The following CACNA1C variants were observed in gnomAD, a reference collection of about 807,000 sequenced individuals.
CACNA1C encodes the protein voltage-dependent L-type calcium channel subunit alpha-1C.
CACNA1C carries 30 observed loss-of-function variants against 229.0 expected under a neutral mutation model. The observed-to-expected ratio is 0.13, with a 90% confidence interval of 0.10 to 0.18. The LOEUF (loss-of-function observed/expected upper bound fraction) is 0.18, where lower values mean the gene tolerates loss of function less well. CACNA1C is among the 10% of genes least tolerant of loss of function. CACNA1C has a pLI of 1.00. For synonymous variants in CACNA1C, 1,114 were observed against 1,132.5 expected (o/e 0.98, Z 0.33); for missense variants, 1,658 against 2,845.0 (o/e 0.58, Z 9.49).
rs1274708006 is a variant in CACNA1C at position 2,479,078 on chromosome 12, A to G, written c.758-7026A>G. ...TGTGGGAGAAGCTGGTGTTTGATCT[A>G]CATTTTCTTAGAATCTGCATCGCAA... On this transcript the variant is annotated intron_variant, in intron 5 of 46. Coordinates refer to ENST00000399655, the MANE Select transcript of CACNA1C (RefSeq NM_000719.7). The surrounding 1 kb of genome is among the most constrained non-coding windows in gnomAD (Gnocchi z 4.3). Among the ~76,000 whole-genome samples the G allele has an allele frequency of 6.6e-6, 1 of 152,026 alleles. No homozygotes were observed. The highest frequency in any genetic ancestry group is 6.6e-5 in the Admixed American group (1 of 15,262).
At chr12:2,196,644 G>A (rs1045048343) in intron 3 of CACNA1C, among the ~76,000 whole-genome samples, 1 of 152,244 alleles carries the variant, frequency 6.6e-6, no homozygotes, top group Non-Finnish European at 1.5e-5. Flanking sequence ...TGCAGTTGCA[G>A]ACTCCCTGAA....
chr12:2,578,025 C>A (rs1440723448), intron 13 of CACNA1C, among the ~76,000 whole-genome samples: 1 of 151,358 alleles, frequency 6.6e-6, no homozygotes, highest in Non-Finnish European at 1.5e-5. Context: ...CCCGCTACCA[C>A]ACCCGGCTAA....
intron 3 of CACNA1C, among the ~76,000 whole-genome samples, chr12:2,294,062 A>G (rs954069423): frequency 6.6e-6 from 1 of 152,246 alleles, no homozygotes; most frequent in African/African-American, 2.4e-5. Flanking sequence ...ACGAGACACA[A>G]CCCTGACCAG....
At position 2,646,818 on chromosome 12, in the gene CACNA1C, CTA is replaced by C. The variant is rs1267753665; in HGVS notation, c.3913-1655_3913-1654del. On this transcript the variant is annotated intron_variant, in intron 30 of 46. Transcript: ENST00000399655. The surrounding 1 kb of genome is among the most constrained non-coding windows in gnomAD (Gnocchi z 4.6). ...TGTGTGTGCGCGTGTGTGTGTCTGC[CTA>C]TGTTTGTCTCTGTGTTCAATCTCAG... is the stretch of plus-strand genomic sequence containing the variant. Among the ~76,000 whole-genome samples, 12 of 151,654 alleles carry C rather than the reference CTA, an allele frequency of 7.9e-5. No individual in the cohort carries two copies. The South Asian group carries it at 2.1e-3, about 26-fold the overall frequency.
chr12:2,126,433 C>T (rs202066039), intron 3 of CACNA1C, among the ~76,000 whole-genome samples: 25 of 152,302 alleles, frequency 1.6e-4, no homozygotes, highest in African/African-American at 2.6e-4. Context: ...CAAGCGGAGC[C>T]GACTCATTGT....
intron 1 of CACNA1C, among the ~76,000 whole-genome samples, chr12:1,982,726 G>A (rs1314024578): frequency 6.6e-6 from 1 of 152,040 alleles, no homozygotes; most frequent in African/African-American, 2.4e-5. Flanking sequence ...ATATTCACAA[G>A]AGACATTGAT....
chr12:2,267,209 G>T (rs989637336), intron 3 of CACNA1C, among the ~76,000 whole-genome samples: 3 of 152,178 alleles, frequency 2.0e-5, no homozygotes, highest in African/African-American at 7.2e-5. Flanking sequence ...GGGTGCAGCT[G>T]CCTGGCAAGG....
chr12:2,360,959 T>C (rs896749560), intron 3 of CACNA1C, among the ~76,000 whole-genome samples: 4 of 152,096 alleles, frequency 2.6e-5, no homozygotes, highest in Non-Finnish European at 5.9e-5. Context: ...CACACGACCA[T>C]GCGCAAGCTC....
In CACNA1C at chr12:2,244,394, G is replaced by C. The variant is rs182576471; in HGVS notation, c.477+123964G>C. 2.6e-3 allele frequency among the ~76,000 whole-genome samples: 398 copies of C among 152,316 alleles called. 4 individuals carry two copies. Among genetic ancestry groups the C allele is most frequent in the African/African-American group, 9.4e-3 (389 of 41,578 alleles). ...CCTGTATTTATCACTAGGCAGGGAA[G>C]GTCCTAAGGGAAGGTGCCAGGTGAA... On this transcript the variant is annotated intron_variant, in intron 3 of 46. Coordinates refer to ENST00000399655, the MANE Select transcript of CACNA1C (RefSeq NM_000719.7).
Position 2,585,275 on chromosome 12 carries a change from T to G in CACNA1C, c.2340-101T>G. On this transcript the variant is annotated intron_variant, in intron 16 of 46. Coordinates refer to ENST00000399655, the MANE Select transcript of CACNA1C (RefSeq NM_000719.7). The surrounding 1 kb of genome is among the most constrained non-coding windows in gnomAD (Gnocchi z 4.1). ...GATGGACTCAGACCCAGGGGATCTG[T>G]CCCCTCTGGCCCCAACAGGCCACAG... 8.6e-7 allele frequency: 1 copy of G among 1,168,744 alleles called. No homozygotes were observed. The highest frequency in any genetic ancestry group is 1.5e-5 in the African/African-American group (1 of 64,562). The allele number at this position is 1,168,744 out of a possible 1,614,324, so 72.4% of individuals were successfully genotyped here. A position where few individuals can be genotyped will look rare whatever the true frequency, so the allele number is the denominator to read the frequency against.
At position 2,679,671 on chromosome 12, in the gene CACNA1C, C is replaced by T. The variant is rs897857982; in HGVS notation, c.5319C>T (p.Thr1773=). The change falls in exon 42 of 47, where the codon ACC becomes ACT. Residue 1773 remains threonine, a synonymous_variant. Coordinates refer to ENST00000399655, the MANE Select transcript of CACNA1C (RefSeq NM_000719.7). The surrounding 1 kb of genome is among the most constrained non-coding windows in gnomAD (Gnocchi z 5.5). ...CCAACATCAACAACGCCAACAACAC[C>T]GCCCTGGGTCGCCTCCCTCGCCCCG... is the stretch of plus-strand genomic sequence containing the variant. ...SNANINNANN[T]ALGRLPRPAG... is the part of the protein sequence containing the mutation. 5 of 1,613,484 alleles carry T rather than the reference C, an allele frequency of 3.1e-6. No homozygotes were observed. The highest frequency in any genetic ancestry group is 1.3e-5 in the African/African-American group (1 of 74,916).
chr12:2,119,326 T>C (rs553308402), intron 2 of CACNA1C, among the ~76,000 whole-genome samples: 4 of 152,290 alleles, frequency 2.6e-5, no homozygotes, highest in Admixed American at 2.6e-4. Context: ...TGAGACTCCA[T>C]GAACTGGGCT....
rs1284330352 is a variant in CACNA1C, at chr12:2,639,196, A to G, written c.3912+4816A>G. 6.6e-6 allele frequency among the ~76,000 whole-genome samples: 1 copy of G among 152,122 alleles called. No individual in the cohort carries two copies. The highest frequency in any genetic ancestry group is 1.9e-4 in the East Asian group (1 of 5,192). On this transcript the variant is annotated intron_variant, in intron 30 of 46. Transcript: ENST00000399655. The surrounding 1 kb of genome is among the most constrained non-coding windows in gnomAD (Gnocchi z 4.2). ...AATGCATCACCTGGGTCTAAATCCG[A>G]GCTTTTCTTCCTCTGTGAGCCGGGG...
chr12:2,065,865 T>A (rs2059090263), intron 1 of CACNA1C, among the ~76,000 whole-genome samples: 2 of 151,980 alleles, frequency 1.3e-5, no homozygotes, highest in African/African-American at 4.8e-5. Context: ...GTGAGTTGAG[T>A]TTGGCTGGAG....
At chr12:2,059,142 G>T (rs2056454518) in intron 1 of CACNA1C, among the ~76,000 whole-genome samples, 1 of 152,202 alleles carries the variant, frequency 6.6e-6, no homozygotes, top group South Asian at 2.1e-4. Flanking sequence ...GTGTGGGCAG[G>T]ACCCCAGCTG....
chr12:2,441,773 T>C (rs1325701191), intron 3 of CACNA1C, among the ~76,000 whole-genome samples: 1 of 152,226 alleles, frequency 6.6e-6, no homozygotes, highest in Non-Finnish European at 1.5e-5. Flanking sequence ...AGGTAGCTGC[T>C]GCTGCTTTTT....
intron 9 of CACNA1C, among the ~76,000 whole-genome samples, chr12:2,521,060 G>C (rs1240811748): frequency 2.6e-5 from 4 of 152,350 alleles, no homozygotes; most frequent in Non-Finnish European, 1.5e-5. Context: ...AGGCCAAAAC[G>C]ATAACCTTGA....
In CACNA1C at chr12:2,016,522, C is replaced by T. The variant is rs192573358; in HGVS notation, c.139+45321C>T. Among the ~76,000 whole-genome samples, 52 of 152,206 alleles carry T rather than the reference C, an allele frequency of 3.4e-4. 1 individual carries two copies. In the East Asian group the frequency reaches 7.9e-3, roughly 23 times the overall value. On this transcript the variant is annotated intron_variant, in intron 1 of 46. Transcript: ENST00000682462. Reference sequence around the variant, plus strand: ...TTGGCTCACTGCAACCTCCTCCTCCCGGGGTCAAGCAATTCTCCTGCCTCA... The same window carrying T: ...TTGGCTCACTGCAACCTCCTCCTCCTGGGGTCAAGCAATTCTCCTGCCTCA...
rs754685173 is a variant in CACNA1C, at chr12:2,585,567, C to T, written c.2460+71C>T. The stretch of plus-strand genomic sequence containing the variant: ...AGGGAGGGCCACAGCCTTCCCAGGC[C>T]AGAACCCTGTGGAGAAGAGGAGAGA... On this transcript the variant is annotated intron_variant, in intron 17 of 46. Transcript: ENST00000399655. This position sits in a 1 kb window ranked among gnomAD's most constrained non-coding sequence, Gnocchi z 4.1. 2 of 1,465,478 alleles carry T rather than the reference C, an allele frequency of 1.4e-6. No homozygotes were observed. Among genetic ancestry groups the T allele is most frequent in the Non-Finnish European group, 1.8e-6 (2 of 1,098,926 alleles). The allele number at this position is 1,465,478 out of a possible 1,614,324, so 90.8% of individuals were successfully genotyped here.
Sources: allele counts gnomAD v4.1 joint callset (sites outside exome capture counted in the v4.1 genomes callset), GRCh38; gene constraint gnomAD v4.1.1; non-coding constraint Gnocchi (gnomAD v3.1); transcripts MANE v1.5; gene names NCBI Gene and HGNC (gene_info 2026-07-23, HGNC 2026-07-21).